Variants in MTDH observed in about 807,000 individuals in gnomAD.
MTDH encodes metadherin.
A neutral mutation model predicts 72.7 loss-of-function variants in MTDH; 34 were observed. The observed-to-expected ratio is 0.47, with a 90% CI of 0.36 to 0.62. The LOEUF (loss-of-function observed/expected upper bound fraction) is 0.62. Ranked by LOEUF, MTDH falls within the 20% of genes least tolerant of loss-of-function variation. The probability of loss-of-function intolerance (pLI) is 0.00; values close to 1 mark genes in which losing one functional copy is unlikely to be tolerated. For missense variants in MTDH, 677 were observed against 699.4 expected (o/e 0.97, Z 0.36); for synonymous variants, 266 against 268.9 (o/e 0.99, Z 0.10).
intron 8 of MTDH, 28 bp downstream of exon 8, chr8:97,706,778 A>G: frequency 6.2e-7 from 1 of 1,602,760 alleles, no homozygotes; most frequent in Non-Finnish European, 8.5e-7. Flanking sequence ...CTGGGTGTTT[A>G]TTTGTTAATG....
intron 2 of MTDH, among the ~76,000 whole-genome samples, chr8:97,678,123 G>C (rs371966377): frequency 2.0e-5 from 3 of 152,304 alleles, no homozygotes; most frequent in East Asian, 3.9e-4. Context: ...GGGAGTACTT[G>C]CTAGATTCTA....
intron 9 of MTDH, among the ~76,000 whole-genome samples, chr8:97,718,234 C>T (rs949547141): frequency 4.0e-5 from 6 of 148,876 alleles, no homozygotes; most frequent in Admixed American, 1.3e-4. Context: ...TTACAGACAG[C>T]GTTTCACCAT....
At chr8:97,689,881 T>A (rs1372101952) in intron 5 of MTDH, among the ~76,000 whole-genome samples, 2 of 151,840 alleles carry the variant, frequency 1.3e-5, no homozygotes, top group East Asian at 3.9e-4. Flanking sequence ...CTAATTTTTT[T>A]ATTTTTTAGT....
At chr8:97,697,150 A>ATATTTTTTTTT in intron 6 of MTDH, among the ~76,000 whole-genome samples, 78 of 68,630 alleles carry the variant, frequency 1.1e-3, no homozygotes, top group Non-Finnish European at 1.1e-3. Flanking sequence ...ATATATATAT[A>ATATTTTTTTTT]TTTTTTTTTT....
At position 97,687,571 on chromosome 8, in the gene MTDH, C is replaced by G; in HGVS notation, c.711C>G (p.Thr237=). The G allele has an allele frequency of 6.2e-7, 1 of 1,609,142 alleles. No individual in the cohort carries two copies. Among genetic ancestry groups the G allele is most frequent in the Non-Finnish European group, 8.5e-7 (1 of 1,177,848 alleles). Residue 237 remains threonine (T), a synonymous_variant, in exon 4 of 12, where the codon ACC becomes ACG. Transcript: ENST00000336273. ...TITVTTEQLT[T]ASFPVGSKKN... ...CAGTTACCACCGAGCAACTTACAAC[C>G]GCATCATTTCCTGTTGGTTCCAAGA... is the stretch of plus-strand genomic sequence containing the variant.
intron 2 of MTDH, among the ~76,000 whole-genome samples, chr8:97,666,359 A>T (rs1291657725): frequency 6.6e-6 from 1 of 152,190 alleles, no homozygotes; most frequent in Non-Finnish European, 1.5e-5. Flanking sequence ...CATATCTCTT[A>T]ATCCTGATGA....
At chr8:97,665,735 G>A (rs1345570611) in intron 2 of MTDH, among the ~76,000 whole-genome samples, 1 of 152,184 alleles carries the variant, frequency 6.6e-6, no homozygotes, top group Non-Finnish European at 1.5e-5. Context: ...CCTTAGACAA[G>A]TTTGACTGGT....
In MTDH at chr8:97,728,791, A is replaced by G. The variant is rs530092931; in HGVS notation, c.*4121A>G. 88 of 151,808 alleles carry G rather than the reference A, an allele frequency of 5.8e-4. No homozygotes were observed. The highest frequency in any genetic ancestry group is 2.0e-3 in the African/African-American group (82 of 41,484). The allele number at this position is 151,808 out of a possible 1,614,324, so 9.4% of individuals were successfully genotyped here. ...AAAAAAAAAATTAGAAACAAAAAAA[A>G]GATTGTTTCTCTTTCATATTAAAGT... is the stretch of plus-strand genomic sequence containing the variant. On this transcript the variant is annotated 3_prime_UTR_variant, in exon 12 of 12. Transcript: ENST00000336273.
chr8:97,720,082 C>T (rs921536824), intron 10 of MTDH, among the ~76,000 whole-genome samples: 8 of 151,850 alleles, frequency 5.3e-5, no homozygotes, highest in South Asian at 2.1e-4. Context: ...GTCAGGAGTT[C>T]GAGACCAGCC....
chr8:97,719,492 CAAAAAAAAAA>C (rs11383714), intron 10 of MTDH, among the ~76,000 whole-genome samples: 27 of 79,924 alleles, frequency 3.4e-4, no homozygotes, highest in African/African-American at 1.1e-3. Context: ...GACACTGTCT[CAAAAAAAAAA>C]AAAAAAAAAA....
intron 11 of MTDH, among the ~76,000 whole-genome samples, chr8:97,723,613 G>C (rs1241722720): frequency 6.7e-6 from 1 of 149,530 alleles, no homozygotes; most frequent in Non-Finnish European, 1.5e-5. Context: ...CGTGGTGGCA[G>C]GCACCTGTAG....
Position 97,713,138 on chromosome 8 carries a change from G to A in MTDH, c.1273-524G>A, listed in dbSNP as rs1466152548. On this transcript the variant is annotated intron_variant, in intron 8 of 11. Coordinates refer to ENST00000336273, the MANE Select transcript of MTDH (RefSeq NM_178812.4). ...CTCACTCTTTTGCCCAGGCTGGAGT[G>A]CAGTGGAGTGATTTCGGCTCACTGC... is the stretch of plus-strand genomic sequence containing the variant. 3.9e-5 allele frequency among the ~76,000 whole-genome samples: 6 copies of A among 152,208 alleles called. No homozygotes were observed. The East Asian group carries it at 1.2e-3, about 29-fold the overall frequency.
At chr8:97,722,383 C>G (rs1299193752) in intron 10 of MTDH, among the ~76,000 whole-genome samples, 1 of 152,096 alleles carries the variant, frequency 6.6e-6, no homozygotes, top group Admixed American at 6.6e-5. Flanking sequence ...AGGCGGATCA[C>G]GAAGTCAAGA....
chr8:97,687,191 C>T (rs1400901486), intron 3 of MTDH, among the ~76,000 whole-genome samples: 1 of 151,846 alleles, frequency 6.6e-6, no homozygotes, highest in East Asian at 1.9e-4. Flanking sequence ...TTTTTCTAAA[C>T]CATAGATGAC....
intron 10 of MTDH, among the ~76,000 whole-genome samples, chr8:97,721,076 T>C (rs1343154171): frequency 6.6e-6 from 1 of 152,006 alleles, no homozygotes; most frequent in African/African-American, 2.4e-5. Flanking sequence ...TAAAAATAAG[T>C]AACAATAAAA....
At chr8:97,679,339 GATAATA>G (rs1418960039) in intron 2 of MTDH, among the ~76,000 whole-genome samples, 4 of 152,056 alleles carry the variant, frequency 2.6e-5, no homozygotes. Context: ...TGATGATGAT[GATAATA>G]GTAATAATAA....
chr8:97,706,536 C>A, intron 7 of MTDH, 90 bp from the exon 8 acceptor site: 1 of 1,234,614 alleles, frequency 8.1e-7, no homozygotes, highest in South Asian at 2.0e-5. Flanking sequence ...CTTAAAATTA[C>A]AGCTTAGTTG....
chr8:97,709,013 A>G (rs1280551495), intron 8 of MTDH, among the ~76,000 whole-genome samples: 1 of 152,012 alleles, frequency 6.6e-6, no homozygotes, highest in Non-Finnish European at 1.5e-5. Context: ...CAAGATGGTG[A>G]AACCCCGTCT....
At chr8:97,723,529 G>C (rs1815222873) in intron 11 of MTDH, among the ~76,000 whole-genome samples, 1 of 148,480 alleles carries the variant, frequency 6.7e-6, no homozygotes, top group Non-Finnish European at 1.5e-5. Context: ...GGATCACTAG[G>C]TCAGGAGATC....
Sources: gnomAD v4.1 joint callset for allele counts (sites outside exome capture counted in the v4.1 genomes callset) on GRCh38, gnomAD v4.1.1 for gene constraint, MANE v1.5 for transcripts, NCBI Gene and HGNC (gene_info 2026-07-23, HGNC 2026-07-21) for gene names.